Variants in ENOSF1 observed in about 807,000 individuals in gnomAD.
ENOSF1 encodes the protein mitochondrial enolase superfamily member 1.
In ENOSF1, 73 loss-of-function variants were observed where a neutral mutation model predicts 68.2. The observed-to-expected ratio is 1.07, with a 90% CI of 0.89 to 1.30. The LOEUF is 1.30. Among genes scored for constraint, ENOSF1 ranks in the 50% most tolerant of loss-of-function variants. The pLI is 0.00. For synonymous variants in ENOSF1, 223 were observed against 210.4 expected (o/e 1.06, Z -0.52); for missense variants, 589 against 554.5 (o/e 1.06, Z -0.62).
Position 674,150 on chromosome 18 carries a change from GTAATAATTACT to G in ENOSF1, c.*144_*154del. The G allele has an allele frequency of 1.6e-6, 1 of 606,256 alleles. No individual in the cohort carries two copies. Among genetic ancestry groups the G allele is most frequent in the Admixed American group, 2.8e-5 (1 of 35,662 alleles). The allele number at this position is 606,256 out of a possible 1,614,324, so 37.6% of individuals were successfully genotyped here. ...TGCATTGATTTGCTAAAAGAATCAAGTAATAATTACTTAGCTGATTCCTGAGGGTGGTATGA... is the reference window on the plus strand; with the variant it reads ...TGCATTGATTTGCTAAAAGAATCAAGTAGCTGATTCCTGAGGGTGGTATGA... On this transcript the variant is annotated 3_prime_UTR_variant, in exon 16 of 16. Transcript: ENST00000647584.
At chr18:681,264 C>G (rs1039120612) in intron 11 of ENOSF1, among the ~76,000 whole-genome samples, 1 of 152,220 alleles carries the variant, frequency 6.6e-6, no homozygotes, top group African/African-American at 2.4e-5. Flanking sequence ...GGCAGCCTGT[C>G]CCTGGCATGT....
chr18:677,942 A>C (rs1489653681), intron 12 of ENOSF1, 70 bp from the exon 13 acceptor site: 1 of 1,536,756 alleles, frequency 6.5e-7, no homozygotes, highest in Admixed American at 1.9e-5. Flanking sequence ...TAAACCTGGC[A>C]ACGCAGCCAC....
intron 10 of ENOSF1, 142 bp from the exon 11 acceptor site, chr18:683,522 C>A: frequency 1.1e-6 from 1 of 895,492 alleles, no homozygotes; most frequent in Non-Finnish European, 1.7e-6. Context: ...AGGCCCAGCA[C>A]ACGGCCCTAA....
intron 3 of ENOSF1, 59 bp from the exon 4 acceptor site, chr18:694,393 G>A (rs1598705857): frequency 1.3e-6 from 2 of 1,498,102 alleles, no homozygotes; most frequent in East Asian, 4.7e-5. Flanking sequence ...GGCTGGGTGT[G>A]ATGGCTCATG....
intron 2 of ENOSF1, among the ~76,000 whole-genome samples, chr18:704,348 G>A (rs2078683376): frequency 6.7e-6 from 1 of 149,372 alleles, no homozygotes; most frequent in Non-Finnish European, 1.5e-5. Context: ...AGAATTGCTT[G>A]AACCCGGGAG....
chr18:669,366 ATTTTT>A (rs68090938), downstream of ENOSF1: 670 of 191,712 alleles, frequency 3.5e-3, no homozygotes, highest in Middle Eastern at 0.017. Context: ...GGCCCAGAGG[ATTTTT>A]TTTTTTTTTT....
At chr18:696,218 T>G (rs2077704798) in intron 3 of ENOSF1, among the ~76,000 whole-genome samples, 1 of 146,614 alleles carries the variant, frequency 6.8e-6, no homozygotes. Flanking sequence ...TTTTTTTTTT[T>G]TTTTTTGTTT....
chr18:684,681 G>A (rs886572565), intron 10 of ENOSF1, among the ~76,000 whole-genome samples: 1 of 152,094 alleles, frequency 6.6e-6, no homozygotes, highest in Non-Finnish European at 1.5e-5. Flanking sequence ...CCTAGGCCCT[G>A]GCTCTCTGTG....
chr18:708,839 G>A (rs142204754), intron 1 of ENOSF1, among the ~76,000 whole-genome samples: 35 of 152,286 alleles, frequency 2.3e-4, no homozygotes, highest in African/African-American at 8.2e-4. Context: ...CACCTGGGTT[G>A]GCTGAGCCAT....
Position 670,791 on chromosome 18 carries a change from T to C in ENOSF1, c.*3514A>G. 1 of 1,614,144 alleles carries C rather than the reference T, an allele frequency of 6.2e-7. No homozygotes were observed. The highest frequency in any genetic ancestry group is 8.5e-7 in the Non-Finnish European group (1 of 1,180,036). On this transcript the variant is annotated 3_prime_UTR_variant, in exon 16 of 16. Transcript: ENST00000647584. ...CAGCTGTACCAGAGATCGGGAGACA[T>C]GGGCCTCGGTGTGCCTTTCAACATC... is the stretch of plus-strand genomic sequence containing the variant.
At chr18:706,715 A>G (rs1278798251) in intron 1 of ENOSF1, 137 bp from the exon 2 acceptor site, 1 of 604,624 alleles carries the variant, frequency 1.7e-6, no homozygotes, top group Non-Finnish European at 3.0e-6. Flanking sequence ...AACTGTTGCT[A>G]TACCCCAAAG....
At chr18:687,024 A>T (rs2076673285) in intron 9 of ENOSF1, 2 of 151,158 alleles carry the variant, frequency 1.3e-5, no homozygotes, top group Admixed American at 1.3e-4. Context: ...ACACTGCTGC[A>T]GCCTCCCCCG....
At chr18:669,202 T>C, downstream of ENOSF1, 1 of 1,584,712 alleles carries the variant, frequency 6.3e-7, no homozygotes. Flanking sequence ...TCTTCATTTA[T>C]ACTAACCATA....
chr18:709,465 T>G (rs2079279489), intron 1 of ENOSF1, among the ~76,000 whole-genome samples: 1 of 151,778 alleles, frequency 6.6e-6, no homozygotes, highest in African/African-American at 2.4e-5. Flanking sequence ...GGAACAGAAG[T>G]AGATTTCAGA....
chr18:697,305 T>C lies in ENOSF1; in HGVS notation c.244A>G (p.Lys82Glu), dbSNP rs2145212010. ...LAHHVLNKDL[K>E]DIVGDFRGFY... ...CCTCTGAAGTCACCAACAATGTCCT[T>C]GAGGTCCTTGTTGAGCACATGGTGG... Residue 82 changes from lysine to glutamate, a missense_variant, in exon 3 of 16, where the codon AAG becomes GAG. Coordinates refer to ENST00000647584, the MANE Select transcript of ENOSF1 (RefSeq NM_017512.7). 1 of 1,613,966 alleles carries C rather than the reference T, an allele frequency of 6.2e-7. No individual in the cohort carries two copies. Among genetic ancestry groups the C allele is most frequent in the Middle Eastern group, 1.7e-4 (1 of 6,060 alleles).
chr18:693,036 A>G, intron 5 of ENOSF1: 2 of 1,266,966 alleles, frequency 1.6e-6, no homozygotes, highest in Non-Finnish European at 2.1e-6. Flanking sequence ...CGCAGCTCAG[A>G]GTGGGGAAGT....
intron 14 of ENOSF1, 59 bp downstream of exon 14, chr18:677,286 C>G: frequency 1.4e-6 from 2 of 1,393,928 alleles, no homozygotes; most frequent in East Asian, 2.3e-5. Context: ...AATTTACAAG[C>G]TCTGGCCTGG....
Position 693,084 on chromosome 18 carries a change from C to G in ENOSF1, c.423+798G>C, listed in dbSNP as rs2077367858. On this transcript the variant is annotated intron_variant, in intron 5 of 15. Coordinates refer to ENST00000647584, the MANE Select transcript of ENOSF1 (RefSeq NM_017512.7). ...GTCATGCAGCTGGTGAGCAGTGAAA[C>G]CCGGACTCACAGCCAGCTCTGCATG... The G allele has an allele frequency of 3.9e-6, 5 of 1,288,196 alleles. 1 individual carries two copies. In the South Asian group the frequency reaches 6.2e-5, roughly 16 times the overall value. The allele number at this position is 1,288,196 out of a possible 1,614,324, so 79.8% of individuals were successfully genotyped here.
At chr18:693,118 A>G (rs2077370757) in intron 5 of ENOSF1, 1 of 1,289,080 alleles carries the variant, frequency 7.8e-7, no homozygotes, top group African/African-American at 1.5e-5. Context: ...TGGGGTCTGA[A>G]GCTCATTCCC....
Sources: gnomAD v4.1 joint callset for allele counts (sites outside exome capture counted in the v4.1 genomes callset) on GRCh38, gnomAD v4.1.1 for gene constraint, MANE v1.5 for transcripts, NCBI Gene and HGNC (gene_info 2026-07-23, HGNC 2026-07-21) for gene names.